Variants in ERC2 observed in about 807,000 individuals in gnomAD.
ERC2 encodes ERC protein 2.
Under a neutral mutation model 114.8 loss-of-function variants are expected in ERC2, and 42 were observed. That is an observed-to-expected ratio of 0.37 (90% CI 0.29 to 0.47). ERC2 has a LOEUF of 0.47. Among genes scored for constraint, ERC2 ranks in the 20% least tolerant of loss-of-function variants. ERC2 has a pLI of 0.99. For synonymous variants in ERC2, 454 were observed against 425.5 expected (o/e 1.07, Z -0.82); for missense variants, 939 against 1,150.7 (o/e 0.82, Z 2.66).
At chr3:55,550,727 G>A (rs1336729284) in intron 17 of ERC2, among the ~76,000 whole-genome samples, 1 of 152,154 alleles carries the variant, frequency 6.6e-6, no homozygotes, top group Non-Finnish European at 1.5e-5. Context: ...TATAATTTAA[G>A]AAATAGGGGC....
intron 17 of ERC2, among the ~76,000 whole-genome samples, chr3:55,557,738 C>T (rs1469249824): frequency 6.6e-6 from 1 of 152,224 alleles, no homozygotes; most frequent in Non-Finnish European, 1.5e-5. Flanking sequence ...CACTCCATGG[C>T]CCCCTCTGCT....
At chr3:56,397,482 T>G (rs1161037080) in intron 2 of ERC2, among the ~76,000 whole-genome samples, 1 of 152,238 alleles carries the variant, frequency 6.6e-6, no homozygotes, top group Non-Finnish European at 1.5e-5. Flanking sequence ...TTATGTAAAT[T>G]GTAGCATGCA....
intron 14 of ERC2, among the ~76,000 whole-genome samples, chr3:55,886,702 A>G (rs1010405074): frequency 2.6e-5 from 4 of 152,258 alleles, no homozygotes; most frequent in Admixed American, 1.3e-4. Context: ...TTAAATTCAT[A>G]CACATATTCC....
intron 6 of ERC2, among the ~76,000 whole-genome samples, chr3:56,082,566 C>T (rs1402235657): frequency 2.0e-5 from 3 of 152,116 alleles, no homozygotes; most frequent in Admixed American, 2.0e-4. Flanking sequence ...ATGTCAAAGC[C>T]AGGGTTAGAA....
chr3:55,685,221 A>G (rs1446463516), intron 16 of ERC2, among the ~76,000 whole-genome samples: 3 of 152,194 alleles, frequency 2.0e-5, no homozygotes, highest in African/African-American at 7.2e-5. Context: ...AAAGGGATCC[A>G]CGGCCCACGA....
chr3:56,409,322 C>T (rs933758267), intron 2 of ERC2, among the ~76,000 whole-genome samples: 1 of 152,038 alleles, frequency 6.6e-6, no homozygotes. Flanking sequence ...CCAGCCAAGT[C>T]AGTCATCCTC....
intron 14 of ERC2, among the ~76,000 whole-genome samples, chr3:55,750,186 TAATAA>T (rs1354755911): frequency 2.0e-5 from 3 of 152,110 alleles, no homozygotes; most frequent in South Asian, 2.1e-4. Flanking sequence ...AAGACTTAAA[TAATAA>T]AATAAAAGAT....
chr3:56,311,374 G>A (rs1047165022), intron 2 of ERC2, among the ~76,000 whole-genome samples: 1 of 132,860 alleles, frequency 7.5e-6, no homozygotes. Flanking sequence ...ATCTCGGCTC[G>A]CTGCAAGCTC....
intron 3 of ERC2, among the ~76,000 whole-genome samples, chr3:56,203,190 A>G (rs540503099): frequency 2.0e-5 from 3 of 152,230 alleles, no homozygotes; most frequent in Admixed American, 6.5e-5. Context: ...AGCTTATCAG[A>G]GACCATCAAG....
intron 3 of ERC2, among the ~76,000 whole-genome samples, chr3:56,175,507 T>G (rs182676763): frequency 1.3e-5 from 2 of 152,306 alleles, no homozygotes; most frequent in East Asian, 3.9e-4. Flanking sequence ...AGAGATTTTC[T>G]GAAGGAAGGA....
chr3:55,554,049 C>A (rs2055421358), intron 17 of ERC2, among the ~76,000 whole-genome samples: 1 of 152,098 alleles, frequency 6.6e-6, no homozygotes, highest in Non-Finnish European at 1.5e-5. Flanking sequence ...CTAGGCTTAA[C>A]TAGGGAAAAC....
At chr3:56,080,524 C>A (rs2077181676) in intron 7 of ERC2, among the ~76,000 whole-genome samples, 1 of 152,080 alleles carries the variant, frequency 6.6e-6, no homozygotes, top group East Asian at 1.9e-4. Context: ...ACTTTTGGGA[C>A]CTTTGGTTAT....
chr3:56,326,028 G>A (rs558640131), intron 2 of ERC2, among the ~76,000 whole-genome samples: 50 of 152,288 alleles, frequency 3.3e-4, no homozygotes, highest in African/African-American at 1.1e-3. Context: ...TCCATGTCAC[G>A]TGGCCCTACT....
At position 56,149,132 on chromosome 3, in the gene ERC2, C is replaced by G. The variant is rs779649284; in HGVS notation, c.1150G>C (p.Asp384His). 3 of 1,595,888 alleles carry G rather than the reference C, an allele frequency of 1.9e-6. No individual in the cohort carries two copies. The South Asian group carries it at 3.5e-5, about 18-fold the overall frequency. ...CGTTCCAATGAAGCGATTTTTGTGT[C>G]CTGTTGGTAAAGAAGAAAAGAAAAA... ...KALQTVIEMKDTKIASLERNI... is the reference protein window; with the variant it reads ...KALQTVIEMKHTKIASLERNI... Residue 384 changes from aspartate to histidine, a missense_variant and splice_region_variant, in exon 5 of 18, where the codon GAC becomes CAC. This residue lies in a region of ERC2 where 148 missense variants were observed against 159.1 expected (regional missense o/e 0.93). Transcript: ENST00000288221.
rs2058439678 is a variant in ERC2, at chr3:55,602,310, G to A, written c.*39+81484C>T. ...GTTCTCTGGGAAGATTCCTGAAGAT[G>A]CTCACAACCCTTCCCTAAAAGCCAT... On this transcript the variant is annotated intron_variant, in intron 17 of 17. Transcript: ENST00000288221. Among the ~76,000 whole-genome samples the A allele has an allele frequency of 2.0e-5, 3 of 152,132 alleles. No individual in the cohort carries two copies. The South Asian group carries it at 6.2e-4, about 32-fold the overall frequency.
chr3:56,192,807 A>G (rs796867789), intron 3 of ERC2, among the ~76,000 whole-genome samples: 42 of 152,292 alleles, frequency 2.8e-4, no homozygotes, highest in African/African-American at 9.6e-4. Flanking sequence ...TCATGGCCCA[A>G]TGGGGAACTG....
At chr3:56,081,636 AT>A (rs1445645652) in intron 6 of ERC2, among the ~76,000 whole-genome samples, 12 of 152,292 alleles carry the variant, frequency 7.9e-5, no homozygotes, top group Admixed American at 2.0e-4. Context: ...TTTAAAAAAA[AT>A]ATAATTCCTG....
chr3:55,917,838 T>TA (rs1171694788), intron 13 of ERC2, among the ~76,000 whole-genome samples: 1 of 152,232 alleles, frequency 6.6e-6, no homozygotes, highest in Admixed American at 6.5e-5. Context: ...GCTTTGTGGA[T>TA]ACCAGTTATA....
At chr3:56,036,397 T>C (rs2074804028) in intron 7 of ERC2, among the ~76,000 whole-genome samples, 1 of 152,046 alleles carries the variant, frequency 6.6e-6, no homozygotes, top group South Asian at 2.1e-4. Context: ...AAAAAAACAA[T>C]AAAATCATCC....
Sources: gnomAD v4.1 joint callset for allele counts (sites outside exome capture counted in the v4.1 genomes callset) on GRCh38, gnomAD v4.1.1 for gene constraint, gnomAD v4.1.1 regional missense constraint, MANE v1.5 for transcripts, NCBI Gene and HGNC (gene_info 2026-07-23, HGNC 2026-07-21) for gene names.